SENP1: variants seen among roughly 807,000 people sequenced by gnomAD.
The protein encoded by SENP1 is SUMO specific peptidase 1.
Under a neutral mutation model 93.0 loss-of-function variants are expected in SENP1, and 21 were observed. The observed-to-expected ratio is 0.23, with a 90% CI of 0.16 to 0.33. The LOEUF is 0.33. Ranked by LOEUF, SENP1 falls within the 10% of genes least tolerant of loss-of-function variation. The pLI is 1.00. For missense variants in SENP1, 591 were observed against 758.7 expected (o/e 0.78, Z 2.60); for synonymous variants, 256 against 259.6 (o/e 0.99, Z 0.13).
intron 6 of SENP1, among the ~76,000 whole-genome samples, chr12:48,079,585 C>T (rs1944367633): frequency 6.6e-6 from 1 of 152,082 alleles, no homozygotes; most frequent in South Asian, 2.1e-4. Flanking sequence ...GCTAATGTTA[C>T]GTTTTAAAAC....
At chr12:48,057,218 A>T (rs1449124471) in intron 13 of SENP1, among the ~76,000 whole-genome samples, 1 of 140,724 alleles carries the variant, frequency 7.1e-6, no homozygotes, top group Non-Finnish European at 1.5e-5. Flanking sequence ...TTTATTATAT[A>T]TAAAAAATAC....
intron 3 of SENP1, among the ~76,000 whole-genome samples, chr12:48,096,778 A>G (rs1283300035): frequency 1.3e-5 from 2 of 152,090 alleles, no homozygotes; most frequent in Non-Finnish European, 2.9e-5. Context: ...TAACAATAAA[A>G]TAAAAACATA....
intron 4 of SENP1, among the ~76,000 whole-genome samples, chr12:48,090,597 TTTTG>T (rs770552523): frequency 1.2e-4 from 18 of 152,222 alleles, no homozygotes; most frequent in East Asian, 9.6e-4. Context: ...CAGATACTGT[TTTTG>T]TTTGTTTGTT....
chr12:48,052,562 T>C (rs865863263), intron 13 of SENP1, among the ~76,000 whole-genome samples: 10 of 152,328 alleles, frequency 6.6e-5, no homozygotes, highest in South Asian at 6.2e-4. Flanking sequence ...AGCATTTGAA[T>C]AGTATGGTTC....
Position 48,048,026 on chromosome 12 carries a change from T to C in SENP1, c.1666A>G (p.Asn556Asp). The C allele has an allele frequency of 6.2e-7, 1 of 1,608,138 alleles. No homozygotes were observed. Among genetic ancestry groups the C allele is most frequent in the Non-Finnish European group, 8.5e-7 (1 of 1,174,738 alleles). The change falls in exon 15 of 18, where the codon AAC (asparagine) becomes GAC (aspartate). Residue 556 changes from asparagine (N) to aspartate (D), a missense_variant. Physicochemically the swap from Asn to Asp is conservative, Grantham distance 23. Around this residue, in one of 4 missense-constraint regions of SENP1, gnomAD observed 132 missense variants for 230.1 expected, o/e 0.57. Transcript: ENST00000549518. Reference sequence around the variant, plus strand: ...AAGAGTATTCTGCAGGCTTCATTGTTTATCCCACCCATGGAGTCGTAATAG... The same window carrying C: ...AAGAGTATTCTGCAGGCTTCATTGTCTATCCCACCCATGGAGTCGTAATAG... ...ITYYDSMGGI[N>D]NEACRILLQY...
At chr12:48,083,132 T>C (rs1340283309) in intron 6 of SENP1, among the ~76,000 whole-genome samples, 10 of 152,208 alleles carry the variant, frequency 6.6e-5, no homozygotes, top group Admixed American at 6.5e-4. Flanking sequence ...CTCGAACTCC[T>C]GGGCTCAAGT....
intron 8 of SENP1, 131 bp from the exon 9 acceptor site, chr12:48,071,852 A>G: frequency 1.7e-6 from 1 of 591,794 alleles, no homozygotes; most frequent in South Asian, 2.5e-5. Context: ...CAAAGGTTAG[A>G]TGGGAGAGAG....
chr12:48,065,548 C>T (rs1943242423), intron 11 of SENP1, 48 bp downstream of exon 11: 1 of 1,273,410 alleles, frequency 7.9e-7, no homozygotes, highest in East Asian at 2.5e-5. Context: ...ATAGTTTCTA[C>T]TTTGATGTAC....
Position 48,065,464 on chromosome 12 carries a change from A to G in SENP1, c.1119+132T>C, listed in dbSNP as rs140956490. The G allele has an allele frequency of 9.1e-4, 602 of 663,580 alleles. 3 individuals carry two copies. The highest frequency in any genetic ancestry group is 8.4e-3 in the African/African-American group (462 of 55,154). The allele number at this position is 663,580 out of a possible 1,614,324, so 41.1% of individuals were successfully genotyped here. A position where few individuals can be genotyped will look rare whatever the true frequency, so the allele number is the denominator to read the frequency against. ...GACAGACCAAGAACATTTACGACAT[A>G]TCATAACATGCTATGCTACCATACG... is the stretch of plus-strand genomic sequence containing the variant. On this transcript the variant is annotated intron_variant, in intron 11 of 17. Coordinates refer to ENST00000549518, the MANE Select transcript of SENP1 (RefSeq NM_001267594.2).
chr12:48,091,405 G>A (rs911461767), intron 4 of SENP1, among the ~76,000 whole-genome samples: 3 of 151,406 alleles, frequency 2.0e-5, no homozygotes, highest in Admixed American at 6.6e-5. Context: ...AGCCAAGATC[G>A]TGCCACTGCA....
At chr12:48,069,143 ACT>A (rs1269711363) in intron 9 of SENP1, among the ~76,000 whole-genome samples, 1 of 119,846 alleles carries the variant, frequency 8.3e-6, no homozygotes, top group Non-Finnish European at 1.7e-5. Flanking sequence ...ATAGAGCAAG[ACT>A]CTGTCACAAA....
intron 4 of SENP1, among the ~76,000 whole-genome samples, chr12:48,093,722 A>AG (rs1358573448): frequency 1.5e-5 from 2 of 129,576 alleles, no homozygotes; most frequent in East Asian, 3.9e-4. Flanking sequence ...AAAATGATAA[A>AG]AAAAAAAAAA....
chr12:48,099,304 G>A (rs1945765885), intron 2 of SENP1: 2 of 152,064 alleles, frequency 1.3e-5, no homozygotes, highest in South Asian at 4.1e-4. Context: ...CTCCAGCCTG[G>A]GTGACAGAGT....
chr12:48,106,063 G>A lies in SENP1; in HGVS notation c.-80C>T. 1.1e-5 allele frequency: 8 copies of A among 702,452 alleles called. No homozygotes were observed. The highest frequency in any genetic ancestry group is 2.1e-5 in the Non-Finnish European group (8 of 384,766). 43.5% of individuals were successfully genotyped at this position (702,452 alleles called of 1,614,324 possible). On this transcript the variant is annotated 5_prime_UTR_variant, in exon 1 of 18. Transcript: ENST00000549518. Reference sequence around the variant, plus strand: ...CCGGCTGCCATGCGAAGGGGTTTCCGGCCGGGCGCGGAACGCAAAACCCGG... The same window carrying A: ...CCGGCTGCCATGCGAAGGGGTTTCCAGCCGGGCGCGGAACGCAAAACCCGG...
rs1489919642 is a variant in SENP1, at chr12:48,105,748, G to A, written c.-45+280C>T. 6 of 541,872 alleles carry A rather than the reference G, an allele frequency of 1.1e-5. No individual in the cohort carries two copies. The Admixed American group carries it at 1.6e-4, about 14-fold the overall frequency. 33.6% of individuals were successfully genotyped at this position (541,872 alleles called of 1,614,324 possible). A position where few individuals can be genotyped will look rare whatever the true frequency, so the allele number is the denominator to read the frequency against. ...GCTGGGCGCTGGGATGGGGCCTGCT[G>A]TAACGGCAGGGAGACGGTCTCTCCG... On this transcript the variant is annotated intron_variant, in intron 1 of 17. Coordinates refer to ENST00000549518, the MANE Select transcript of SENP1 (RefSeq NM_001267594.2).
chr12:48,056,689 ATAT>A (rs1445847816), intron 13 of SENP1, among the ~76,000 whole-genome samples: 83 of 90,290 alleles, frequency 9.2e-4, no homozygotes, highest in African/African-American at 3.5e-3. Context: ...ATATATAAAT[ATAT>A]TATTTAATAT....
chr12:48,090,026 G>A (rs1945121621), intron 4 of SENP1, among the ~76,000 whole-genome samples: 2 of 152,106 alleles, frequency 1.3e-5, no homozygotes, highest in South Asian at 2.1e-4. Context: ...AGGGTAAATA[G>A]GAAAAAAGAA....
At chr12:48,058,135 G>A (rs549093280) in intron 13 of SENP1, among the ~76,000 whole-genome samples, 38 of 142,942 alleles carry the variant, frequency 2.7e-4, no homozygotes, top group Non-Finnish European at 3.5e-4. Flanking sequence ...TTGTAGAGAC[G>A]GGGTTTCACC....
chr12:48,063,914 A>G (rs1008472143), intron 12 of SENP1, 73 bp from the exon 13 acceptor site: 45 of 1,340,766 alleles, frequency 3.4e-5, no homozygotes, highest in Non-Finnish European at 4.4e-5. Context: ...ACCAAACCCC[A>G]TATAATCCTC....
Sources: gnomAD v4.1 joint callset for allele counts (sites outside exome capture counted in the v4.1 genomes callset) on GRCh38, gnomAD v4.1.1 for gene constraint, gnomAD v4.1.1 regional missense constraint, MANE v1.5 for transcripts, NCBI Gene and HGNC (gene_info 2026-07-23, HGNC 2026-07-21) for gene names.